Variants in ANK2 observed in about 807,000 individuals in gnomAD.
ANK2 encodes the protein ankyrin-2.
ANK2 carries 83 observed loss-of-function variants against 360.5 expected under a neutral mutation model. The ratio of observed to expected loss-of-function variants is 0.23; its 90% CI spans 0.19 to 0.28. ANK2 has a LOEUF of 0.28. Ranked by LOEUF, ANK2 falls within the 10% of genes least tolerant of loss-of-function variation. The pLI, the probability that ANK2 is intolerant of heterozygous loss-of-function variation, is 1.00. For missense variants in ANK2, 4,201 were observed against 4,795.7 expected, an observed-to-expected ratio of 0.88 and a Z score of 3.66; for synonymous variants, 1,740 against 1,759.5, an observed-to-expected ratio of 0.99 and a Z score of 0.28.
At chr4:113,122,445 A>G (rs897637199) in intron 1 of ANK2, among the ~76,000 whole-genome samples, 4 of 152,196 alleles carry the variant, frequency 2.6e-5, no homozygotes, top group African/African-American at 9.6e-5. Context: ...ATAATGTGTT[A>G]CATTCTAGAA....
the ANK2 span, among the ~76,000 whole-genome samples, chr4:112,722,753 C>A: frequency 6.6e-6 from 1 of 152,134 alleles, no homozygotes; most frequent in Non-Finnish European, 1.5e-5. Context: ...TTCCTTTCTT[C>A]TAATTATTAG....
At chr4:113,236,080 C>T (rs1456936939) in intron 5 of ANK2, among the ~76,000 whole-genome samples, 1 of 152,024 alleles carries the variant, frequency 6.6e-6, no homozygotes, top group African/African-American at 2.4e-5. Context: ...ATTTTTTTCT[C>T]TATGGAAATG....
intron 1 of ANK2, among the ~76,000 whole-genome samples, chr4:112,825,465 C>A (rs2058216638): frequency 6.6e-6 from 1 of 152,140 alleles, no homozygotes; most frequent in Non-Finnish European, 1.5e-5. Flanking sequence ...TCCCTTAACC[C>A]TATCTGATTT....
intron 1 of ANK2, among the ~76,000 whole-genome samples, chr4:112,822,885 T>C (rs1405235775): frequency 6.6e-6 from 1 of 152,110 alleles, no homozygotes; most frequent in East Asian, 1.9e-4. Context: ...AAAAAAAACT[T>C]GTTCATTGAT....
intron 1 of ANK2, among the ~76,000 whole-genome samples, chr4:113,162,285 T>G (rs1414531216): frequency 6.6e-6 from 1 of 152,158 alleles, no homozygotes; most frequent in Non-Finnish European, 1.5e-5. Flanking sequence ...CCTCATCACA[T>G]GCTAGAGTGG....
intron 1 of ANK2, among the ~76,000 whole-genome samples, chr4:113,056,800 T>C (rs1033864277): frequency 2.0e-5 from 3 of 152,178 alleles, no homozygotes; most frequent in African/African-American, 4.8e-5. Context: ...TAGATAATAA[T>C]ATACCACAGT....
intron 2 of ANK2, among the ~76,000 whole-genome samples, chr4:113,185,516 TG>T (rs2153291914): frequency 6.6e-6 from 1 of 152,388 alleles, no homozygotes; most frequent in African/African-American, 2.4e-5. Flanking sequence ...TGTCTTCTTT[TG>T]AGAAGTGTCT....
chr4:113,273,628 C>G (rs536478554), intron 14 of ANK2, among the ~76,000 whole-genome samples: 81 of 152,316 alleles, frequency 5.3e-4, no homozygotes, highest in African/African-American at 1.3e-3. Flanking sequence ...AGATATACCT[C>G]TTTTTATCAC....
intron 4 of ANK2, among the ~76,000 whole-genome samples, chr4:113,218,961 A>G (rs2099118143): frequency 6.6e-6 from 1 of 152,168 alleles, no homozygotes; most frequent in African/African-American, 2.4e-5. Flanking sequence ...CTGTTGGGGG[A>G]AAATAAAAGC....
intron 15 of ANK2, among the ~76,000 whole-genome samples, chr4:113,277,281 G>T (rs1345610567): frequency 6.6e-6 from 1 of 152,164 alleles, no homozygotes; most frequent in East Asian, 1.9e-4. Context: ...AGTCAGGATG[G>T]GAGTTGCTTT....
Position 113,356,077 on chromosome 4 carries a change from T to C in ANK2, c.7459T>C (p.Phe2487Leu). 6.2e-7 allele frequency: 1 copy of C among 1,614,126 alleles called. No individual in the cohort carries two copies. Residue 2487 changes from phenylalanine (F) to leucine (L), a missense_variant, in exon 38 of 46, where the codon TTT becomes CTT. Phe to Leu is a conservative substitution (Grantham distance 22). Coordinates refer to ENST00000357077, the MANE Select transcript of ANK2 (RefSeq NM_001148.6). ...GAAGGCTGGAATTTTTCCAAGTCAC[T>C]TTCCTCTTCCTGCAGCTGTTGCCAA... Reference protein sequence around the residue: ...KMKAGIFPSHFPLPAAVAKTE... With the variant: ...KMKAGIFPSHLPLPAAVAKTE...
At chr4:113,117,527 T>C (rs2094938179) in intron 1 of ANK2, 1 of 402,408 alleles carries the variant, frequency 2.5e-6, no homozygotes, top group Admixed American at 2.8e-5. Flanking sequence ...CCCTGCACCA[T>C]TTCTAAGCTC....
At chr4:113,268,629 G>A (rs1263225139) in intron 14 of ANK2, among the ~76,000 whole-genome samples, 2 of 152,214 alleles carry the variant, frequency 1.3e-5, no homozygotes, top group Admixed American at 6.5e-5. Flanking sequence ...GCTTTTTGAT[G>A]TGCTGCTGGA....
At position 113,354,359 on chromosome 4, in the gene ANK2, C is replaced by T. The variant is rs1483719390; in HGVS notation, c.5741C>T (p.Pro1914Leu). Reference protein sequence around the residue: ...VSPSGKTDKRPPVSPSGRTEK... With the variant: ...VSPSGKTDKRLPVSPSGRTEK... ...CCTTCAGGCAAAACAGACAAACGTC[C>T]ACCTGTATCGCCCTCCGGGAGGACA... Residue 1914 changes from proline (P) to leucine (L), a missense_variant, in exon 38 of 46, where the codon CCA becomes CTA. By Grantham distance (98) the Pro-to-Leu change is moderately conservative (BLOSUM62 -3). This residue lies in a region of ANK2 where 2,642 missense variants were observed against 2,714.5 expected (regional missense o/e 0.97). Transcript: ENST00000357077. 6 of 1,613,972 alleles carry T rather than the reference C, an allele frequency of 3.7e-6. No individual in the cohort carries two copies. The East Asian group carries it at 8.9e-5, about 24-fold the overall frequency.
At chr4:112,974,433 C>G (rs966791063) in intron 2 of ANK2, among the ~76,000 whole-genome samples, 1 of 152,142 alleles carries the variant, frequency 6.6e-6, no homozygotes, top group Non-Finnish European at 1.5e-5. Context: ...TAACATACTA[C>G]CTGGTATTCC....
chr4:113,116,364 C>T (rs1445140897), intron 1 of ANK2, among the ~76,000 whole-genome samples: 10 of 152,134 alleles, frequency 6.6e-5, no homozygotes, highest in Admixed American at 2.0e-4. Flanking sequence ...CTCTTTCTCC[C>T]AGGAAAACCT....
intron 41 of ANK2, among the ~76,000 whole-genome samples, chr4:113,365,667 TG>T (rs2154055533): frequency 6.6e-6 from 1 of 150,840 alleles, no homozygotes; most frequent in East Asian, 1.9e-4. Context: ...TCTCTAACAC[TG>T]TTTTTTTTTT....
intron 1 of ANK2, among the ~76,000 whole-genome samples, chr4:112,834,560 G>C (rs1459175631): frequency 6.6e-6 from 1 of 151,768 alleles, no homozygotes; most frequent in Non-Finnish European, 1.5e-5. Flanking sequence ...ATGAATCCTA[G>C]ATATTATGTA....
intron 1 of ANK2, among the ~76,000 whole-genome samples, chr4:113,074,609 G>A (rs2154342774): frequency 6.6e-6 from 1 of 152,024 alleles, no homozygotes; most frequent in East Asian, 1.9e-4. Context: ...TTTTTTTGAG[G>A]CTGCCAGAAA....
Sources: allele counts gnomAD v4.1 joint callset (sites outside exome capture counted in the v4.1 genomes callset), GRCh38; gene constraint gnomAD v4.1.1; regional missense constraint gnomAD v4.1.1; transcripts MANE v1.5; gene names NCBI Gene and HGNC (gene_info 2026-07-23, HGNC 2026-07-21).